Variants in RAP2C observed in about 807,000 individuals in gnomAD.
RAP2C encodes ras-related protein Rap-2c.
RAP2C carries 3 observed loss-of-function variants against 8.9 expected under a neutral mutation model. The ratio of observed to expected loss-of-function variants is 0.34; its 90% CI spans 0.15 to 0.87. The LOEUF (loss-of-function observed/expected upper bound fraction) is 0.87, where lower values mean the gene tolerates loss of function less well. RAP2C is among the 40% of genes least tolerant of loss of function. The pLI, the probability that RAP2C is intolerant of heterozygous loss-of-function variation, is 0.51. For synonymous variants in RAP2C, 60 were observed against 52.1 expected (o/e 1.15, Z -0.65); for missense variants, 76 against 133.7 (o/e 0.57, Z 2.13).
rs1416236687 is a variant in RAP2C, at chrX:132,203,605, C to G, written c.*2017G>C. The G allele has an allele frequency of 9.8e-6, 1 of 102,266 alleles. No individual in the cohort carries two copies. The highest frequency in any genetic ancestry group is 1.1e-4 in the Admixed American group (1 of 9,437). 8.4% of individuals were successfully genotyped at this position (102,266 alleles called of 1,213,427 possible). ...CAGGAAAGAAACATTATAAAAAAAT[C>G]AAAATCTCTAGAAAATTTAAATCAT... is the stretch of plus-strand genomic sequence containing the variant. On this transcript the variant is annotated 3_prime_UTR_variant, in exon 6 of 6. Transcript: ENST00000370874.
At chrX:132,208,649 A>C (rs1471863762) in intron 5 of RAP2C, among the ~76,000 whole-genome samples, 1 of 109,335 alleles carries the variant, frequency 9.1e-6, no homozygotes, top group Non-Finnish European at 1.9e-5. Context: ...AAACATTAAA[A>C]TTATTATTTT....
In RAP2C at chrX:132,217,370, G is replaced by C. The variant is rs1219064189; in HGVS notation, c.-102C>G. 3.7e-6 allele frequency: 3 copies of C among 801,710 alleles called. No individual in the cohort carries two copies. Among genetic ancestry groups the C allele is most frequent in the African/African-American group, 2.1e-5 (1 of 47,414 alleles). 66.1% of individuals were successfully genotyped at this position (801,710 alleles called of 1,213,427 possible). ...GAAGGTGGGCGGAAATCTGCGAACT[G>C]GGGAGGAGAGTGCAGAGGAGCAGAG... On this transcript the variant is annotated 5_prime_UTR_variant, in exon 4 of 6. Coordinates refer to ENST00000370874, the MANE Select transcript of RAP2C (RefSeq NM_001271186.2).
Position 132,217,429 on chromosome X carries a change from G to T in RAP2C, c.-161C>A. 1 of 376,971 alleles carries T rather than the reference G, an allele frequency of 2.7e-6. No homozygotes were observed. The highest frequency in any genetic ancestry group is 4.5e-6 in the Non-Finnish European group (1 of 223,587). The allele number at this position is 376,971 out of a possible 1,213,427, so 31.1% of individuals were successfully genotyped here. ...CGGGGAAGAAGAGGAAGTTACAGGA[G>T]GGGGAGGGGAAAGAGCGTAGAGTCG... is the stretch of plus-strand genomic sequence containing the variant. On this transcript the variant is annotated 5_prime_UTR_variant, in exon 4 of 6. Coordinates refer to ENST00000370874, the MANE Select transcript of RAP2C (RefSeq NM_001271186.2).
chrX:132,213,723 G>T (rs1020327952), intron 5 of RAP2C, among the ~76,000 whole-genome samples: 3 of 112,027 alleles, frequency 2.7e-5, no homozygotes, highest in South Asian at 7.4e-4. Flanking sequence ...CAATTTGCTT[G>T]CTCAGGACAT....
chrX:132,216,093 T>C (rs1253604260), intron 4 of RAP2C, among the ~76,000 whole-genome samples: 2 of 112,030 alleles, frequency 1.8e-5, no homozygotes, highest in African/African-American at 6.5e-5. Context: ...GTCAATATAA[T>C]GGGTCAATAT....
At chrX:132,208,791 G>A (rs1291709517) in intron 5 of RAP2C, among the ~76,000 whole-genome samples, 1 of 110,294 alleles carries the variant, frequency 9.1e-6, no homozygotes, top group Non-Finnish European at 1.9e-5. Flanking sequence ...CTCTTGAACC[G>A]CTAGTACTAC....
rs915289976 is a variant in RAP2C, at chrX:132,205,409, A to G, written c.*213T>C. 8.9e-6 allele frequency: 1 copy of G among 112,283 alleles called. No individual in the cohort carries two copies. The highest frequency in any genetic ancestry group is 9.5e-5 in the Admixed American group (1 of 10,506). 9.3% of individuals were successfully genotyped at this position (112,283 alleles called of 1,213,427 possible). A position where few individuals can be genotyped will look rare whatever the true frequency, so the allele number is the denominator to read the frequency against. ...AAAGAATGGATTTTAAACGTATGGT[A>G]AACGTGCTAAGCATTCCTGTTTAAG... On this transcript the variant is annotated 3_prime_UTR_variant, in exon 6 of 6. Transcript: ENST00000370874.
intron 5 of RAP2C, among the ~76,000 whole-genome samples, chrX:132,212,696 CA>C (rs1930465102): frequency 8.9e-6 from 1 of 112,107 alleles, no homozygotes; most frequent in Non-Finnish European, 1.9e-5. Flanking sequence ...AGAACTTGTT[CA>C]ATTGTGAAGC....
chrX:132,214,464 AAGAG>A lies in RAP2C; in HGVS notation c.274-22_274-19del, dbSNP rs1338490538. ...TTGATATCCTATTCAAGCAATCACA[AAGAG>A]AAAGAAAAACATTATGCTGTTTGTA... is the stretch of plus-strand genomic sequence containing the variant. On this transcript the variant is annotated intron_variant, in intron 4 of 5. Coordinates refer to ENST00000370874, the MANE Select transcript of RAP2C (RefSeq NM_001271186.2). 42 of 1,187,749 alleles carry A rather than the reference AAGAG, an allele frequency of 3.5e-5. No homozygotes were observed. Among genetic ancestry groups the A allele is most frequent in the Non-Finnish European group, 4.8e-5 (42 of 883,453 alleles).
At position 132,217,304 on chromosome X, in the gene RAP2C, G is replaced by GA; in HGVS notation, c.-37dup. The GA allele has an allele frequency of 7.6e-6, 8 of 1,056,497 alleles. No individual in the cohort carries two copies. Among genetic ancestry groups the GA allele is most frequent in the Non-Finnish European group, 9.9e-6 (8 of 810,668 alleles). 87.1% of individuals were successfully genotyped at this position (1,056,497 alleles called of 1,213,427 possible). A position where few individuals can be genotyped will look rare whatever the true frequency, so the allele number is the denominator to read the frequency against. ...TTCACCAACTCCTACCAGAGGGGGGGAAAGATCACCCCGCTAGCTGTGGCG... is the reference window on the plus strand; with the variant it reads ...TTCACCAACTCCTACCAGAGGGGGGGAAAAGATCACCCCGCTAGCTGTGGCG... On this transcript the variant is annotated 5_prime_UTR_variant, in exon 4 of 6. Transcript: ENST00000370874.
intron 5 of RAP2C, among the ~76,000 whole-genome samples, chrX:132,206,160 G>T (rs1484548738): frequency 1.8e-5 from 2 of 109,127 alleles, no homozygotes; most frequent in African/African-American, 6.7e-5. Context: ...AAAGAAAAAA[G>T]AAAAGAAAGG....
chrX:132,210,645 C>T (rs1047084152), intron 5 of RAP2C, among the ~76,000 whole-genome samples: 1 of 111,773 alleles, frequency 8.9e-6, no homozygotes, highest in Non-Finnish European at 1.9e-5. Context: ...AGAACCTGTT[C>T]CACAGTACAC....
chrX:132,210,594 CCTGTGTTTGGT>C (rs1930401863), intron 5 of RAP2C, among the ~76,000 whole-genome samples: 1 of 111,408 alleles, frequency 9.0e-6, no homozygotes, highest in African/African-American at 3.3e-5. Context: ...AGTTTGCTTC[CCTGTGTTTGGT>C]ACTCTTATGC....
chrX:132,205,297 TAAAGA>T lies in RAP2C; in HGVS notation c.*320_*324del, dbSNP rs1930241880. On this transcript the variant is annotated 3_prime_UTR_variant, in exon 6 of 6. Transcript: ENST00000370874. ...AATAAATACAAGTCGAGAAACTGATTAAAGAAATCAATTAAAATATTAAAAATTAA... is the reference window on the plus strand; with the variant it reads ...AATAAATACAAGTCGAGAAACTGATTAATCAATTAAAATATTAAAAATTAA... 1 of 112,117 alleles carries T rather than the reference TAAAGA, an allele frequency of 8.9e-6. No homozygotes were observed. Among genetic ancestry groups the T allele is most frequent in the African/African-American group, 3.3e-5 (1 of 30,744 alleles). The allele number at this position is 112,117 out of a possible 1,213,427, so 9.2% of individuals were successfully genotyped here.
chrX:132,217,856 C>A (rs1398387055), intron 3 of RAP2C, 50 bp from the exon 4 acceptor site: 2 of 111,982 alleles, frequency 1.8e-5, no homozygotes, highest in Non-Finnish European at 3.8e-5. Flanking sequence ...CCGCCCCGAA[C>A]CTGCGGCGCC....
In RAP2C at chrX:132,204,980, C is replaced by CAAAAAAAAAAAAAAAAAAA. The variant is rs58119368; in HGVS notation, c.*623_*641dup. ...TGTAACCTTCAGAACATGTTAATTA[C>CAAAAAAAAAAAAAAAAAAA]AAAAAAAAAAAAAAAAAAACAAAAC... On this transcript the variant is annotated 3_prime_UTR_variant, in exon 6 of 6. Transcript: ENST00000370874. The CAAAAAAAAAAAAAAAAAAA allele has an allele frequency of 7.7e-5, 4 of 51,678 alleles. No homozygotes were observed. The highest frequency in any genetic ancestry group is 2.5e-4 in the Admixed American group (1 of 4,062). 4.3% of individuals were successfully genotyped at this position (51,678 alleles called of 1,213,427 possible).
chrX:132,218,460 T>A (rs1281914754), intron 1 of RAP2C, 119 bp from the exon 2 acceptor site: 2 of 110,462 alleles, frequency 1.8e-5, no homozygotes, highest in Non-Finnish European at 3.8e-5. Flanking sequence ...AGCGGCTCCC[T>A]GGCCGGTGCG....
intron 4 of RAP2C, 48 bp from the exon 5 acceptor site, chrX:132,214,494 T>A: frequency 8.7e-7 from 1 of 1,147,755 alleles, no homozygotes; most frequent in Non-Finnish European, 1.2e-6. Context: ...GCTGTTTGTA[T>A]AACCATAACA....
Position 132,217,428 on chromosome X carries a change from A to T in RAP2C, c.-160T>A. On this transcript the variant is annotated 5_prime_UTR_variant, in exon 4 of 6. Transcript: ENST00000370874. The stretch of plus-strand genomic sequence containing the variant: ...CCGGGGAAGAAGAGGAAGTTACAGG[A>T]GGGGGAGGGGAAAGAGCGTAGAGTC... 11 of 100,071 alleles carry T rather than the reference A, an allele frequency of 1.1e-4. No homozygotes were observed. Among genetic ancestry groups the T allele is most frequent in the East Asian group, 2.1e-4 (1 of 4,811 alleles). 8.2% of individuals were successfully genotyped at this position (100,071 alleles called of 1,213,427 possible).
Sources: gnomAD v4.1 joint callset for allele counts (sites outside exome capture counted in the v4.1 genomes callset) on GRCh38, gnomAD v4.1.1 for gene constraint, MANE v1.5 for transcripts, NCBI Gene and HGNC (gene_info 2026-07-23, HGNC 2026-07-21) for gene names.